The following NLGN1 variants were observed in gnomAD, a reference collection of about 807,000 sequenced individuals.
The protein encoded by NLGN1 is neuroligin-1.
In NLGN1, 12 loss-of-function variants were observed where a neutral mutation model predicts 65.5. The ratio of observed to expected loss-of-function variants is 0.18; its 90% CI spans 0.12 to 0.30. The LOEUF (loss-of-function observed/expected upper bound fraction) is 0.30, where lower values mean the gene tolerates loss of function less well. NLGN1 is among the 10% of genes least tolerant of loss of function. NLGN1 has a pLI of 1.00. For synonymous variants in NLGN1, 350 were observed against 359.5 expected (o/e 0.97, Z 0.30); for missense variants, 750 against 1,007.1 (o/e 0.74, Z 3.46).
At chr3:174,275,047 A>ATGTT (rs1424162519) in intron 4 of NLGN1, among the ~76,000 whole-genome samples, 3 of 151,836 alleles carry the variant, frequency 2.0e-5, no homozygotes, top group Non-Finnish European at 4.4e-5. Context: ...GGTTTTCAGA[A>ATGTT]TGTTTGCCTT....
intron 4 of NLGN1, among the ~76,000 whole-genome samples, chr3:174,267,692 G>A (rs1050632975): frequency 1.3e-5 from 2 of 152,106 alleles, no homozygotes; most frequent in Non-Finnish European, 2.9e-5. Flanking sequence ...ATTGGCTGCT[G>A]AGAGGGATTT....
intron 2 of NLGN1, among the ~76,000 whole-genome samples, chr3:173,497,853 G>T (rs930772910): frequency 2.6e-5 from 4 of 151,754 alleles, no homozygotes; most frequent in African/African-American, 9.7e-5. Context: ...ATGGTATCTA[G>T]AAAAATAGTC....
At chr3:173,899,336 C>G (rs951845678) in intron 4 of NLGN1, among the ~76,000 whole-genome samples, 10 of 152,058 alleles carry the variant, frequency 6.6e-5, no homozygotes, top group South Asian at 2.1e-4. Context: ...GACTGACTTG[C>G]ATTAGTCGAC....
At chr3:174,071,457 G>A (rs374343642) in intron 4 of NLGN1, among the ~76,000 whole-genome samples, 1 of 152,074 alleles carries the variant, frequency 6.6e-6, no homozygotes, top group Admixed American at 6.6e-5. Flanking sequence ...CGAGGTGGGT[G>A]GATCACTTGA....
At chr3:173,478,078 A>G (rs763514254) in intron 2 of NLGN1, among the ~76,000 whole-genome samples, 14 of 151,554 alleles carry the variant, frequency 9.2e-5, no homozygotes, top group Non-Finnish European at 1.6e-4. Flanking sequence ...AACATAAATC[A>G]TTCTGTTACA....
chr3:173,694,007 G>C (rs1014117734), intron 3 of NLGN1, among the ~76,000 whole-genome samples: 9 of 151,980 alleles, frequency 5.9e-5, no homozygotes, highest in Non-Finnish European at 1.0e-4. Flanking sequence ...TAAAAGGAAA[G>C]TATAAGAAAA....
chr3:174,154,983 T>A (rs1173442949), intron 4 of NLGN1, among the ~76,000 whole-genome samples: 3 of 137,382 alleles, frequency 2.2e-5, no homozygotes, highest in Admixed American at 7.6e-5. Flanking sequence ...TAATATATTA[T>A]ATTATATATT....
intron 4 of NLGN1, among the ~76,000 whole-genome samples, chr3:174,007,469 C>T (rs1046752141): frequency 1.3e-5 from 2 of 152,210 alleles, no homozygotes; most frequent in African/African-American, 4.8e-5. Context: ...CTCAAAACCA[C>T]ATTGCCTGAA....
At chr3:173,487,430 T>C (rs1253408742) in intron 2 of NLGN1, among the ~76,000 whole-genome samples, 1 of 152,058 alleles carries the variant, frequency 6.6e-6, no homozygotes, top group Non-Finnish European at 1.5e-5. Context: ...TTTGAAATAA[T>C]ATTGATTCAC....
chr3:173,806,542 GATC>G (rs1360877428), intron 3 of NLGN1, among the ~76,000 whole-genome samples: 2 of 152,004 alleles, frequency 1.3e-5, no homozygotes, highest in African/African-American at 4.8e-5. Flanking sequence ...GGGTATAAGA[GATC>G]ATGGGCTATT....
At chr3:173,888,539 A>C (rs904211328) in intron 4 of NLGN1, among the ~76,000 whole-genome samples, 4 of 152,100 alleles carry the variant, frequency 2.6e-5, no homozygotes, top group Non-Finnish European at 5.9e-5. Flanking sequence ...TTGCAGATAC[A>C]GAGGCCAGCT....
chr3:174,260,456 T>G (rs1746677476), intron 4 of NLGN1, among the ~76,000 whole-genome samples: 1 of 152,028 alleles, frequency 6.6e-6, no homozygotes, highest in Non-Finnish European at 1.5e-5. Context: ...CATTTTTTCA[T>G]GTGTTTTTTG....
At chr3:173,837,823 T>C (rs1723947352) in intron 4 of NLGN1, among the ~76,000 whole-genome samples, 1 of 152,198 alleles carries the variant, frequency 6.6e-6, no homozygotes, top group South Asian at 2.1e-4. Flanking sequence ...CCATGGGGAA[T>C]GTCAGTGCAG....
At chr3:174,117,204 T>C (rs914809130) in intron 4 of NLGN1, among the ~76,000 whole-genome samples, 7 of 147,086 alleles carry the variant, frequency 4.8e-5, no homozygotes, top group Admixed American at 4.7e-4. Flanking sequence ...ATGTCTGTAA[T>C]AGGCATCTAT....
intron 4 of NLGN1, among the ~76,000 whole-genome samples, chr3:174,148,519 T>C (rs913149839): frequency 2.0e-5 from 3 of 152,206 alleles, no homozygotes; most frequent in Non-Finnish European, 4.4e-5. Context: ...TGCCTATCTT[T>C]AAATCTGTTT....
chr3:173,910,725 A>T (rs1416811158), intron 4 of NLGN1: 2 of 152,190 alleles, frequency 1.3e-5, no homozygotes, highest in Admixed American at 1.3e-4. Flanking sequence ...AAACAAAATT[A>T]TTTTGGTAAT....
At chr3:173,433,354 T>G (rs1717546469) in intron 1 of NLGN1, among the ~76,000 whole-genome samples, 3 of 152,118 alleles carry the variant, frequency 2.0e-5, no homozygotes, top group African/African-American at 7.2e-5. Context: ...CTCCACAGTG[T>G]TCCCTCCCTG....
chr3:174,270,652 A>G (rs1407977078), intron 4 of NLGN1, among the ~76,000 whole-genome samples: 1 of 151,780 alleles, frequency 6.6e-6, no homozygotes, highest in Non-Finnish European at 1.5e-5. Flanking sequence ...TTGGAGGTTA[A>G]TTGACTAATT....
At chr3:173,555,691 T>C (rs369461205) in intron 2 of NLGN1, among the ~76,000 whole-genome samples, 3 of 152,108 alleles carry the variant, frequency 2.0e-5, no homozygotes, top group Non-Finnish European at 4.4e-5. Context: ...CCATGTTGCC[T>C]AGCCTGGTCT....
Sources: allele counts gnomAD v4.1 joint callset (sites outside exome capture counted in the v4.1 genomes callset), GRCh38; gene constraint gnomAD v4.1.1; transcripts MANE v1.5; gene names NCBI Gene and HGNC (gene_info 2026-07-23, HGNC 2026-07-21).